The following PUS1 variants were observed in gnomAD, a reference collection of about 807,000 sequenced individuals.
The protein encoded by PUS1 is pseudouridine synthase 1, also known as pseudouridylate synthase 1 homolog.
PUS1 carries 25 observed loss-of-function variants against 38.5 expected under a neutral mutation model. That is an observed-to-expected ratio of 0.65 (90% CI 0.47 to 0.91). The LOEUF is 0.91. PUS1 is among the 40% of genes least tolerant of loss of function. PUS1 has a pLI of 0.00. For missense variants in PUS1, 597 were observed against 612.3 expected, an observed-to-expected ratio of 0.97 and a Z score of 0.26; for synonymous variants, 282 against 260.4, an observed-to-expected ratio of 1.08 and a Z score of -0.80.
Position 131,941,648 on chromosome 12 carries a change from G to A in PUS1, c.901G>A (p.Val301Met), listed in dbSNP as rs2136444073. Residue 301 changes from valine to methionine, a missense_variant, in exon 5 of 6, where the codon GTG (valine) becomes ATG (methionine). Val to Met is a conservative substitution (Grantham distance 21). Transcript: ENST00000376649. The surrounding 1 kb of genome is among the most constrained non-coding windows in gnomAD (Gnocchi z 4.4). ...MHQIRKMVGL[V>M]VAIVKGYAPE... ...TCAGATCCGGAAGATGGTCGGCCTG[G>A]TGGTGGCCATTGTGAAGGGTTATGC... The A allele has an allele frequency of 1.9e-6, 3 of 1,614,216 alleles. No individual in the cohort carries two copies. Among genetic ancestry groups the A allele is most frequent in the Middle Eastern group, 1.6e-4 (1 of 6,062 alleles).
Position 131,941,824 on chromosome 12 carries a change from G to T in PUS1, c.1077G>T (p.Ala359=), listed in dbSNP as rs143053373. 1.9e-6 allele frequency: 3 copies of T among 1,613,872 alleles called. No individual in the cohort carries two copies. Among genetic ancestry groups the T allele is most frequent in the Admixed American group, 1.7e-5 (1 of 60,008 alleles). ...NDGLHEPLDW[A]QEEGKVAAFK... ...GGCTGCATGAGCCGCTGGACTGGGC[G>T]CAGGAGGAAGGAAAGGTCGCAGCCT... The change falls in exon 5 of 6, where the codon GCG becomes GCT. Residue 359 remains alanine (A), a synonymous_variant. Coordinates refer to ENST00000376649, the MANE Select transcript of PUS1 (RefSeq NM_025215.6). This position sits in a 1 kb window ranked among gnomAD's most constrained non-coding sequence, Gnocchi z 4.4.
At chr12:131,934,198 T>C (rs1890727985) in intron 3 of PUS1, among the ~76,000 whole-genome samples, 1 of 152,218 alleles carries the variant, frequency 6.6e-6, no homozygotes, top group Non-Finnish European at 1.5e-5. Context: ...AGCGTGACCG[T>C]TGAAGCACCA....
At chr12:131,931,992 C>T in intron 2 of PUS1, 183 bp from the exon 3 acceptor site, 1 of 694,256 alleles carries the variant, frequency 1.4e-6, no homozygotes, top group South Asian at 1.5e-5. Context: ...ATGGAGCAGC[C>T]CGGCCCCAGG....
rs1891195027 is a variant in PUS1, at chr12:131,943,924, A to G, written c.*338A>G. ...TTTCGTCCACAGAGATGAGCACAGC[A>G]TGGTGTCCCGTTGAGAACAGATACG... On this transcript the variant is annotated 3_prime_UTR_variant, in exon 6 of 6. Coordinates refer to ENST00000376649, the MANE Select transcript of PUS1 (RefSeq NM_025215.6). 2.9e-6 allele frequency: 1 copy of G among 350,832 alleles called. No homozygotes were observed. The highest frequency in any genetic ancestry group is 5.6e-6 in the Non-Finnish European group (1 of 179,180). The allele number at this position is 350,832 out of a possible 1,614,324, so 21.7% of individuals were successfully genotyped here. A position where few individuals can be genotyped will look rare whatever the true frequency, so the allele number is the denominator to read the frequency against.
In PUS1 at chr12:131,941,438, C is replaced by T. The variant is rs369787595; in HGVS notation, c.691C>T (p.Gln231Ter). 2 of 1,613,336 alleles carry T rather than the reference C, an allele frequency of 1.2e-6. No individual in the cohort carries two copies. Among genetic ancestry groups the T allele is most frequent in the Non-Finnish European group, 1.7e-6 (2 of 1,179,274 alleles). The change falls in exon 5 of 6, where the codon CAG becomes TAG. Residue 231 changes from glutamine (Q) to a stop codon, truncating the protein, a stop_gained. Coordinates refer to ENST00000376649, the MANE Select transcript of PUS1 (RefSeq NM_025215.6). LOFTEE classifies it high-confidence loss of function. This position sits in a 1 kb window ranked among gnomAD's most constrained non-coding sequence, Gnocchi z 4.4. ...CCGCCTGAGCGCCGAGACGCTGCAGCAGGTCAACAGGCTCCTGGCCTGCTA... is the reference window on the plus strand; with the variant it reads ...CCGCCTGAGCGCCGAGACGCTGCAGTAGGTCAACAGGCTCCTGGCCTGCTA... The part of the protein sequence containing the change: ...TYRLSAETLQ[Q>*]VNRLLACYKG...
intron 4 of PUS1, among the ~76,000 whole-genome samples, chr12:131,939,562 C>G (rs1253008689): frequency 9.2e-5 from 14 of 152,162 alleles, no homozygotes; most frequent in Admixed American, 9.2e-4. Context: ...TACGGCAGGA[C>G]TGGTAAATGG....
intron 2 of PUS1, chr12:131,931,783 G>A (rs969871340): frequency 1.7e-5 from 5 of 291,652 alleles, no homozygotes; most frequent in Non-Finnish European, 2.7e-5. Flanking sequence ...CACCCTCCTC[G>A]GCCTCCCAAA....
In PUS1 at chr12:131,930,078, C is replaced by G. The variant is rs2136429482; in HGVS notation, c.246C>G (p.Pro82=). 1 of 1,437,602 alleles carries G rather than the reference C, an allele frequency of 7.0e-7. No homozygotes were observed. The highest frequency in any genetic ancestry group is 9.1e-7 in the Non-Finnish European group (1 of 1,096,150). 89.1% of individuals were successfully genotyped at this position (1,437,602 alleles called of 1,614,324 possible). Residue 82 remains proline, a synonymous_variant, in exon 2 of 6, where the codon CCC becomes CCG. Transcript: ENST00000376649. ...GGDEERREKP[P]KRKIVLLMAY... ...ACGAGGAGCGGCGCGAGAAGCCGCCCAAGCGGAAGATCGTGCTGCTCATGG... is the reference window on the plus strand; with the variant it reads ...ACGAGGAGCGGCGCGAGAAGCCGCCGAAGCGGAAGATCGTGCTGCTCATGG...
At chr12:131,930,748 C>T (rs956785147) in intron 2 of PUS1, among the ~76,000 whole-genome samples, 2 of 152,114 alleles carry the variant, frequency 1.3e-5, no homozygotes, top group African/African-American at 2.4e-5. Flanking sequence ...CTCAGCCTCC[C>T]GAACATCGAG....
intron 5 of PUS1, 99 bp downstream of exon 5, chr12:131,942,082 C>G: frequency 9.0e-7 from 1 of 1,107,758 alleles, no homozygotes; most frequent in Non-Finnish European, 1.3e-6. Context: ...GTGTCACTTC[C>G]CCGCAAGGCC....
rs1227662266 is a variant in PUS1 at position 131,943,816 on chromosome 12, GA to G, written c.*232del. ...GCATGTAAAGAACTATTTTTTTAAA[GA>G]AGTGATTTTCTTATTAAACAAGTAC... On this transcript the variant is annotated 3_prime_UTR_variant, in exon 6 of 6. Transcript: ENST00000376649. The G allele has an allele frequency of 3.8e-6, 2 of 525,460 alleles. No individual in the cohort carries two copies. The highest frequency in any genetic ancestry group is 6.9e-6 in the Non-Finnish European group (2 of 289,682). The allele number at this position is 525,460 out of a possible 1,614,324, so 32.5% of individuals were successfully genotyped here.
chr12:131,931,852 G>GTT, intron 2 of PUS1: 11 of 513,330 alleles, frequency 2.1e-5, no homozygotes, highest in East Asian at 3.3e-5. Flanking sequence ...TATAGTCAAT[G>GTT]TTTTTTTTTT....
At chr12:131,932,340 C>T in intron 3 of PUS1, 28 bp downstream of exon 3, 1 of 1,612,136 alleles carries the variant, frequency 6.2e-7, no homozygotes, top group South Asian at 1.1e-5. Context: ...CTGCCCCTCC[C>T]CCGCTGCTAT....
chr12:131,937,659 A>G (rs1337433076), intron 3 of PUS1, among the ~76,000 whole-genome samples: 1 of 152,190 alleles, frequency 6.6e-6, no homozygotes, highest in Non-Finnish European at 1.5e-5. Context: ...TACAGGCATG[A>G]ACCACCGCAC....
rs572640386 is a variant in PUS1, at chr12:131,945,340, A to C, written c.*1754A>C. The C allele has an allele frequency of 6.6e-6, 1 of 152,224 alleles. No individual in the cohort carries two copies. The highest frequency in any genetic ancestry group is 1.9e-4 in the East Asian group (1 of 5,170). The allele number at this position is 152,224 out of a possible 1,614,324, so 9.4% of individuals were successfully genotyped here. A position where few individuals can be genotyped will look rare whatever the true frequency, so the allele number is the denominator to read the frequency against. On this transcript the variant is annotated 3_prime_UTR_variant, in exon 6 of 6. Transcript: ENST00000376649. ...GGGCTCACTGCTTCGGGAGCCAGGG[A>C]GTGCAGGTGTGAGGCCCACTGGGCT...
intron 2 of PUS1, among the ~76,000 whole-genome samples, chr12:131,930,952 C>G (rs1165931553): frequency 2.6e-5 from 4 of 152,152 alleles, no homozygotes; most frequent in Non-Finnish European, 5.9e-5. Flanking sequence ...TGAGCCACTG[C>G]GACTGGCCTC....
In PUS1 at chr12:131,932,309, C is replaced by G; in HGVS notation, c.438C>G (p.Asp146Glu). ...KMSFQRCART[D>E]KGVSAAGQVV... is the part of the protein sequence containing the mutation. Reference sequence around the variant, plus strand: ...CCTTCCAGCGCTGCGCCCGGACAGACAAGGTGGGTGGTGGCCTTCTCTGCC... The same window carrying G: ...CCTTCCAGCGCTGCGCCCGGACAGAGAAGGTGGGTGGTGGCCTTCTCTGCC... Residue 146 changes from aspartate to glutamate, a missense_variant, in exon 3 of 6, where the codon GAC becomes GAG. Physicochemically the swap from Asp to Glu is conservative, Grantham distance 45 (BLOSUM62 2). Coordinates refer to ENST00000376649, the MANE Select transcript of PUS1 (RefSeq NM_025215.6). 1 of 1,613,360 alleles carries G rather than the reference C, an allele frequency of 6.2e-7. No individual in the cohort carries two copies. Among genetic ancestry groups the G allele is most frequent in the Non-Finnish European group, 8.5e-7 (1 of 1,179,994 alleles).
intron 2 of PUS1, among the ~76,000 whole-genome samples, chr12:131,930,411 T>A (rs1208299242): frequency 1.3e-5 from 2 of 152,104 alleles, no homozygotes; most frequent in Non-Finnish European, 2.9e-5. Context: ...AGGATGGGAG[T>A]GCTCACAGCA....
chr12:131,941,060 T>C lies in PUS1; in HGVS notation c.545-232T>C. The C allele has an allele frequency of 1.8e-6, 1 of 565,424 alleles. No individual in the cohort carries two copies. Among genetic ancestry groups the C allele is most frequent in the Non-Finnish European group, 3.2e-6 (1 of 316,140 alleles). The allele number at this position is 565,424 out of a possible 1,614,324, so 35.0% of individuals were successfully genotyped here. On this transcript the variant is annotated intron_variant, in intron 4 of 5. Transcript: ENST00000376649. The surrounding 1 kb of genome is among the most constrained non-coding windows in gnomAD (Gnocchi z 4.4). The stretch of plus-strand genomic sequence containing the variant: ...ACTATTGGAAAATTACAATAAATGG[T>C]TGTAAATTCAGTCACCTTATAGAGC...
Sources: gnomAD v4.1 joint callset for allele counts (sites outside exome capture counted in the v4.1 genomes callset) on GRCh38, gnomAD v4.1.1 for gene constraint, Gnocchi (gnomAD v3.1) non-coding constraint, MANE v1.5 for transcripts, NCBI Gene and HGNC (gene_info 2026-07-23, HGNC 2026-07-21) for gene names.